The following DMD variants were observed in gnomAD, a reference collection of about 807,000 sequenced individuals.
DMD encodes the protein mutant dystrophin.
In DMD, 63 loss-of-function variants were observed where a neutral mutation model predicts 330.1. The ratio of observed to expected loss-of-function variants is 0.19; its 90% CI spans 0.16 to 0.24. DMD has a LOEUF of 0.24. Ranked by LOEUF, DMD falls within the 10% of genes least tolerant of loss-of-function variation. The probability of loss-of-function intolerance (pLI) is 1.00; values close to 1 mark genes in which losing one functional copy is unlikely to be tolerated. For missense variants in DMD, 3,344 were observed against 2,684.1 expected, an observed-to-expected ratio of 1.25 and a Z score of -5.43; for synonymous variants, 1,223 against 959.8, an observed-to-expected ratio of 1.27 and a Z score of -5.07.
At chrX:31,737,185 GC>G (rs1872418434) in intron 51 of DMD, among the ~76,000 whole-genome samples, 2 of 111,374 alleles carry the variant, frequency 1.8e-5, no homozygotes, top group Non-Finnish European at 3.8e-5. Flanking sequence ...AGGTAAGTTG[GC>G]CCCAAAGCCC....
At chrX:32,937,750 C>G (rs778366178) in intron 2 of DMD, among the ~76,000 whole-genome samples, 3 of 109,537 alleles carry the variant, frequency 2.7e-5, no homozygotes, top group African/African-American at 1.0e-4. Context: ...GTTACACAAC[C>G]TGTATCTGAA....
At chrX:33,076,073 C>T (rs1292757267) in intron 1 of DMD, among the ~76,000 whole-genome samples, 1 of 111,290 alleles carries the variant, frequency 9.0e-6, no homozygotes, top group East Asian at 2.8e-4. Context: ...ACCCTGCACT[C>T]GATGGATCAA....
intron 1 of DMD, among the ~76,000 whole-genome samples, chrX:33,232,981 TTAGG>T (rs1342849138): frequency 1.8e-5 from 2 of 111,266 alleles, no homozygotes; most frequent in African/African-American, 6.5e-5. Flanking sequence ...GAATTTTTAG[TTAGG>T]TAGGAGGAAG....
intron 9 of DMD, among the ~76,000 whole-genome samples, chrX:32,664,487 C>T (rs754595425): frequency 9.1e-6 from 1 of 109,988 alleles, no homozygotes; most frequent in East Asian, 2.9e-4. Context: ...GTGATCCGCC[C>T]GCCTCGGCCT....
At chrX:32,852,129 T>G (rs2081186060) in intron 2 of DMD, among the ~76,000 whole-genome samples, 2 of 111,530 alleles carry the variant, frequency 1.8e-5, no homozygotes, top group Admixed American at 1.9e-4. Context: ...TGAGAGAGAC[T>G]GCTTCTTCCA....
intron 44 of DMD, among the ~76,000 whole-genome samples, chrX:32,196,771 G>A (rs1471850244): frequency 9.1e-6 from 1 of 110,085 alleles, no homozygotes; most frequent in East Asian, 2.9e-4. Flanking sequence ...AGATCACGAG[G>A]TCAGGAGATC....
At chrX:32,724,195 T>G (rs1468238092) in intron 7 of DMD, among the ~76,000 whole-genome samples, 1 of 111,927 alleles carries the variant, frequency 8.9e-6, no homozygotes, top group African/African-American at 3.2e-5. Context: ...CAATTAAGAA[T>G]TGTGCATTTA....
chrX:31,756,454 G>A (rs1222129389), intron 51 of DMD, among the ~76,000 whole-genome samples: 1 of 76,150 alleles, frequency 1.3e-5, no homozygotes. Context: ...TATGTTATTC[G>A]TGTATGTGTA....
intron 44 of DMD, among the ~76,000 whole-genome samples, chrX:32,116,744 G>A (rs952036293): frequency 1.8e-5 from 2 of 112,108 alleles, no homozygotes; most frequent in Non-Finnish European, 3.8e-5. Flanking sequence ...AGAAGTTGTC[G>A]CTGGGAAAAG....
chrX:32,933,806 C>A (rs1052917434), intron 2 of DMD, among the ~76,000 whole-genome samples: 1 of 111,827 alleles, frequency 8.9e-6, no homozygotes, highest in South Asian at 3.8e-4. Context: ...TAAATACCCC[C>A]TGGTCCTAAA....
chrX:32,829,422 T>C, intron 4 of DMD, among the ~76,000 whole-genome samples: 1 of 111,503 alleles, frequency 9.0e-6, no homozygotes, highest in South Asian at 3.7e-4. Flanking sequence ...ATAAAATTGC[T>C]TTTAGTTTCC....
intron 1 of DMD, among the ~76,000 whole-genome samples, chrX:33,129,563 A>G (rs2148530415): frequency 9.2e-6 from 1 of 108,835 alleles, no homozygotes; most frequent in East Asian, 2.9e-4. Context: ...TTAATATAAA[A>G]TATTTGGCAA....
intron 60 of DMD, among the ~76,000 whole-genome samples, chrX:31,391,468 T>C (rs948884621): frequency 1.8e-5 from 2 of 112,129 alleles, no homozygotes; most frequent in Non-Finnish European, 3.7e-5. Context: ...TTTGTCTCAC[T>C]GTCTTGCAAA....
At chrX:32,878,785 G>A (rs1167214586) in intron 2 of DMD, among the ~76,000 whole-genome samples, 2 of 109,464 alleles carry the variant, frequency 1.8e-5, no homozygotes, top group African/African-American at 3.3e-5. Flanking sequence ...TGAGGCAGGT[G>A]GATCACGAGG....
intron 7 of DMD, among the ~76,000 whole-genome samples, chrX:32,774,538 A>G (rs370198243): frequency 2.5e-4 from 28 of 111,284 alleles, no homozygotes; most frequent in African/African-American, 9.1e-4. Flanking sequence ...GAAAGTTAAA[A>G]TCATGGTGAA....
rs1404072059 is a variant in DMD, at chrX:32,565,763, A to G, written c.1931T>C (p.Leu644Pro). ...ATCCCAACACCGGGCAAAGTTATCCAGCCATGCTTCCGTCTTCTGGGTCAC... is the reference window on the plus strand; with the variant it reads ...ATCCCAACACCGGGCAAAGTTATCCGGCCATGCTTCCGTCTTCTGGGTCAC... The part of the protein sequence containing the change: ...KSVTQKTEAW[L>P]DNFARCWDNL... Residue 644 changes from leucine (L) to proline (P), a missense_variant, in exon 16 of 79, where the codon CTG becomes CCG. Transcript: ENST00000357033. The G allele has an allele frequency of 8.3e-7, 1 of 1,210,097 alleles. No individual in the cohort carries two copies. Among genetic ancestry groups the G allele is most frequent in the Non-Finnish European group, 1.1e-6 (1 of 895,223 alleles).
chrX:32,610,062 T>A (rs2149332028), intron 12 of DMD, among the ~76,000 whole-genome samples: 1 of 111,598 alleles, frequency 9.0e-6, no homozygotes, highest in South Asian at 3.7e-4. Context: ...AATAGCATCA[T>A]GCCACTCCTT....
chrX:32,394,919 A>AACAAAACAAAAAAAAC (rs1569560905), intron 30 of DMD, among the ~76,000 whole-genome samples: 14 of 73,798 alleles, frequency 1.9e-4, no homozygotes, highest in Non-Finnish European at 2.9e-4. Context: ...AAAAAAACAA[A>AACAAAACAAAAAAAAC]AAAAAAAAAA....
At chrX:33,304,988 C>A (rs1211048963) in intron 1 of DMD, among the ~76,000 whole-genome samples, 22 of 108,779 alleles carry the variant, frequency 2.0e-4, no homozygotes, top group African/African-American at 7.4e-4. Context: ...ACTAGTTCAA[C>A]CATTGTGGAA....
Sources: gnomAD v4.1 joint callset for allele counts (sites outside exome capture counted in the v4.1 genomes callset) on GRCh38, gnomAD v4.1.1 for gene constraint, MANE v1.5 for transcripts, NCBI Gene and HGNC (gene_info 2026-07-23, HGNC 2026-07-21) for gene names.